CCSER1: variants seen among roughly 807,000 people sequenced by gnomAD.
The protein encoded by CCSER1 is coiled-coil serine rich protein 1, also known as serine-rich coiled-coil domain-containing protein 1.
In CCSER1, 41 loss-of-function variants were observed where a neutral mutation model predicts 82.0. The observed-to-expected ratio is 0.50, with a 90% confidence interval of 0.39 to 0.65. CCSER1 has a LOEUF of 0.65. Ranked by LOEUF, CCSER1 falls within the 30% of genes least tolerant of loss-of-function variation. The pLI is 0.00. For missense variants in CCSER1, 1,119 were observed against 1,064.2 expected (o/e 1.05, Z -0.72); for synonymous variants, 414 against 383.9 (o/e 1.08, Z -0.92).
intron 4 of CCSER1, among the ~76,000 whole-genome samples, chr4:90,440,075 C>T (rs1759641648): frequency 6.6e-6 from 1 of 151,984 alleles, no homozygotes; most frequent in Non-Finnish European, 1.5e-5. Context: ...GTGATCATAG[C>T]TCACTGCAGC....
intron 9 of CCSER1, among the ~76,000 whole-genome samples, chr4:90,970,622 C>A (rs763689566): frequency 3.9e-5 from 6 of 151,956 alleles, no homozygotes; most frequent in Non-Finnish European, 8.8e-5. Context: ...TTTTATCCAA[C>A]AGCAGCAGAA....
At chr4:91,531,786 A>G (rs753737819) in intron 10 of CCSER1, among the ~76,000 whole-genome samples, 1 of 152,200 alleles carries the variant, frequency 6.6e-6, no homozygotes, top group African/African-American at 2.4e-5. Flanking sequence ...CACCTCTTGC[A>G]TAAGGACACT....
intron 8 of CCSER1, among the ~76,000 whole-genome samples, chr4:90,900,093 A>G (rs1246588655): frequency 2.4e-5 from 2 of 83,158 alleles, no homozygotes; most frequent in Non-Finnish European, 6.2e-5. Context: ...CTGGTCCCAG[A>G]GTTTTTTTTT....
intron 10 of CCSER1, among the ~76,000 whole-genome samples, chr4:91,135,093 T>TC (rs1214247676): frequency 2.0e-5 from 3 of 151,580 alleles, no homozygotes; most frequent in African/African-American, 7.3e-5. Flanking sequence ...TACTTAATTT[T>TC]CCCCCCACTT....
intron 10 of CCSER1, among the ~76,000 whole-genome samples, chr4:91,243,792 C>A (rs964291881): frequency 6.6e-6 from 1 of 152,144 alleles, no homozygotes; most frequent in African/African-American, 2.4e-5. Context: ...TGGGCCTTTG[C>A]CTCTGAGACA....
chr4:90,967,562 G>T (rs986571781), intron 9 of CCSER1, among the ~76,000 whole-genome samples: 1 of 151,896 alleles, frequency 6.6e-6, no homozygotes, highest in East Asian at 1.9e-4. Context: ...ACTTAAACTG[G>T]ATTATAGACC....
intron 5 of CCSER1, among the ~76,000 whole-genome samples, chr4:90,627,718 C>T (rs554430288): frequency 4.6e-5 from 7 of 151,958 alleles, no homozygotes; most frequent in South Asian, 2.1e-4. Flanking sequence ...CAGTGGTGCA[C>T]GCCTGTAATC....
intron 10 of CCSER1, among the ~76,000 whole-genome samples, chr4:91,128,590 T>C (rs1429564492): frequency 1.3e-5 from 2 of 152,096 alleles, no homozygotes; most frequent in Admixed American, 1.3e-4. Flanking sequence ...GAAATTATGA[T>C]TGTTCCTAAT....
intron 7 of CCSER1, among the ~76,000 whole-genome samples, chr4:90,814,841 C>T (rs1314014411): frequency 1.3e-5 from 2 of 152,148 alleles, no homozygotes; most frequent in African/African-American, 4.8e-5. Context: ...TTAATCAAAA[C>T]CATTTTAGTT....
chr4:90,899,271 A>T (rs1724238541), intron 8 of CCSER1, among the ~76,000 whole-genome samples: 2 of 152,152 alleles, frequency 1.3e-5, no homozygotes, highest in South Asian at 4.1e-4. Context: ...GTTGATGTAT[A>T]GAAATACAAT....
intron 10 of CCSER1, among the ~76,000 whole-genome samples, chr4:91,571,243 C>T (rs1276246529): frequency 6.6e-6 from 1 of 152,226 alleles, no homozygotes; most frequent in East Asian, 1.9e-4. Flanking sequence ...TCCAAACTTT[C>T]TCACATTTTC....
intron 8 of CCSER1, among the ~76,000 whole-genome samples, chr4:90,858,264 A>G (rs1338107408): frequency 6.6e-6 from 1 of 152,056 alleles, no homozygotes; most frequent in African/African-American, 2.4e-5. Flanking sequence ...AGTTGCCCAC[A>G]TTATGATTTG....
chr4:90,850,431 A>T (rs1458273600), intron 8 of CCSER1, among the ~76,000 whole-genome samples: 1 of 152,212 alleles, frequency 6.6e-6, no homozygotes, highest in African/African-American at 2.4e-5. Context: ...CCAGCTGTGA[A>T]ACCAGCTGGG....
At chr4:90,336,643 T>C (rs748252818) in intron 3 of CCSER1, among the ~76,000 whole-genome samples, 2 of 152,184 alleles carry the variant, frequency 1.3e-5, no homozygotes, top group Non-Finnish European at 2.9e-5. Flanking sequence ...CTTGAGGATA[T>C]GTGTCCTAGA....
chr4:90,324,355 T>C (rs7658082), intron 3 of CCSER1, among the ~76,000 whole-genome samples: 89,130 of 139,406 alleles, frequency 0.64, 29,912 homozygotes, highest in African/African-American at 0.85. Context: ...TTTTAATGAT[T>C]GCCATTCTAA....
intron 10 of CCSER1, among the ~76,000 whole-genome samples, chr4:91,108,569 T>C (rs1233192282): frequency 6.6e-6 from 1 of 152,240 alleles, no homozygotes. Flanking sequence ...AATGCAGATT[T>C]ACTTTATACT....
At chr4:90,224,379 G>A (rs141421270) in intron 1 of CCSER1, among the ~76,000 whole-genome samples, 6 of 152,290 alleles carry the variant, frequency 3.9e-5, no homozygotes, top group African/African-American at 1.2e-4. Flanking sequence ...TAAAACAGCA[G>A]TTGTAATGGA....
intron 10 of CCSER1, among the ~76,000 whole-genome samples, chr4:91,277,529 T>C (rs1219047653): frequency 2.0e-5 from 3 of 149,350 alleles, no homozygotes; most frequent in African/African-American, 7.3e-5. Flanking sequence ...TTTTGTCCTT[T>C]TTTTTTTTTT....
intron 8 of CCSER1, among the ~76,000 whole-genome samples, chr4:90,876,155 T>C (rs1561289005): frequency 6.6e-6 from 1 of 152,028 alleles, no homozygotes; most frequent in Non-Finnish European, 1.5e-5. Flanking sequence ...GGAAAGTTTT[T>C]CCCCCTCAAT....
Sources: gnomAD v4.1 joint callset for allele counts (sites outside exome capture counted in the v4.1 genomes callset) on GRCh38, gnomAD v4.1.1 for gene constraint, MANE v1.5 for transcripts, NCBI Gene and HGNC (gene_info 2026-07-23, HGNC 2026-07-21) for gene names.